GOLPH3: variants seen among roughly 807,000 people sequenced by gnomAD.
GOLPH3 encodes coat protein GPP34.
Under a neutral mutation model 28.5 loss-of-function variants are expected in GOLPH3, and 14 were observed. The observed-to-expected ratio is 0.49, with a 90% CI of 0.32 to 0.77. The LOEUF is 0.77. Ranked by LOEUF, GOLPH3 falls within the 30% of genes least tolerant of loss-of-function variation. The pLI is 0.03. For missense variants in GOLPH3, 350 were observed against 393.7 expected (o/e 0.89, Z 0.94); for synonymous variants, 158 against 159.2 (o/e 0.99, Z 0.06).
chr5:32,169,949 A>G (rs76587062), intron 1 of GOLPH3, among the ~76,000 whole-genome samples: 5,352 of 151,906 alleles, frequency 0.035, 183 homozygotes, highest in East Asian at 0.17. Flanking sequence ...AAAAATCTGA[A>G]ATGTGTAAAG....
intron 1 of GOLPH3, among the ~76,000 whole-genome samples, chr5:32,168,111 G>A (rs1215168358): frequency 6.6e-6 from 1 of 152,030 alleles, no homozygotes; most frequent in Non-Finnish European, 1.5e-5. Context: ...TAGAAACAAC[G>A]AAAATTCATT....
intron 1 of GOLPH3, among the ~76,000 whole-genome samples, chr5:32,168,824 G>C (rs1267718382): frequency 6.6e-6 from 1 of 152,122 alleles, no homozygotes; most frequent in East Asian, 1.9e-4. Context: ...GTGCATCCTA[G>C]AGCCGGTCGC....
rs774187790 is a variant in GOLPH3 at position 32,126,227 on chromosome 5, C to T, written c.882G>A (p.Ala294=). Residue 294 remains alanine, a synonymous_variant, in exon 4 of 4, where the codon GCG becomes GCA. Coordinates refer to ENST00000265070, the MANE Select transcript of GOLPH3 (RefSeq NM_022130.4). ...CCGAGCAGAGTTACTTGGTGAACGC[C>T]GCCACCACCGCCCACAGAACCTCAT... ...NTNEVLWAVV[A]AFTK is the part of the protein sequence containing the mutation. The T allele has an allele frequency of 1.6e-5, 25 of 1,609,544 alleles. No homozygotes were observed. The highest frequency in any genetic ancestry group is 1.2e-4 in the Admixed American group (7 of 59,910).
chr5:32,167,493 G>A (rs949404902), intron 1 of GOLPH3, among the ~76,000 whole-genome samples: 9 of 151,948 alleles, frequency 5.9e-5, no homozygotes, highest in South Asian at 2.1e-4. Context: ...ATTCTAAAAC[G>A]TAATTCAAAT....
chr5:32,161,066 CAAAAAAAAAAA>C (rs34874287), intron 1 of GOLPH3, among the ~76,000 whole-genome samples: 2 of 60,054 alleles, frequency 3.3e-5, no homozygotes, highest in East Asian at 5.1e-4. Context: ...GACTCCGTCT[CAAAAAAAAAAA>C]AAAAAAAAAA....
intron 1 of GOLPH3, among the ~76,000 whole-genome samples, chr5:32,172,467 C>A (rs1746858410): frequency 6.6e-6 from 1 of 151,686 alleles, no homozygotes; most frequent in African/African-American, 2.4e-5. Flanking sequence ...GAGGCCGAGG[C>A]AGGCGGATCA....
chr5:32,161,421 C>A, intron 1 of GOLPH3, among the ~76,000 whole-genome samples: 1 of 124,872 alleles, frequency 8.0e-6, no homozygotes, highest in Non-Finnish European at 1.7e-5. Context: ...AAAACCAAAG[C>A]TGAGGAAAAA....
At chr5:32,148,340 G>C (rs999186320) in intron 1 of GOLPH3, among the ~76,000 whole-genome samples, 2 of 152,212 alleles carry the variant, frequency 1.3e-5, no homozygotes, top group African/African-American at 4.8e-5. Flanking sequence ...TACGTTATAT[G>C]AATGTTCAGT....
At chr5:32,135,483 G>A in intron 3 of GOLPH3, 89 bp downstream of exon 3, 1 of 761,542 alleles carries the variant, frequency 1.3e-6, no homozygotes, top group Non-Finnish European at 2.3e-6. Context: ...CAAGCTTCTG[G>A]CTATTTTGTG....
intron 2 of GOLPH3, among the ~76,000 whole-genome samples, chr5:32,142,599 T>G (rs1232422843): frequency 1.0e-5 from 1 of 97,684 alleles, no homozygotes; most frequent in African/African-American, 4.1e-5. Flanking sequence ...GGGAGGGAGG[T>G]GGGGGGGTCA....
intron 1 of GOLPH3, among the ~76,000 whole-genome samples, chr5:32,163,761 A>G (rs939310330): frequency 6.6e-6 from 1 of 152,210 alleles, no homozygotes; most frequent in African/African-American, 2.4e-5. Flanking sequence ...AACGGAACAT[A>G]TAAATACTAA....
At chr5:32,133,761 A>G (rs1745875433) in intron 3 of GOLPH3, among the ~76,000 whole-genome samples, 1 of 152,230 alleles carries the variant, frequency 6.6e-6, no homozygotes, top group Non-Finnish European at 1.5e-5. Flanking sequence ...TGCTGATAAT[A>G]TAATCTAGTT....
Position 32,143,885 on chromosome 5 carries a change from TA to T in GOLPH3, c.226-6del. 3 of 1,504,864 alleles carry T rather than the reference TA, an allele frequency of 2.0e-6. No homozygotes were observed. The highest frequency in any genetic ancestry group is 2.6e-5 in the Admixed American group (1 of 38,598). The allele number at this position is 1,504,864 out of a possible 1,614,324, so 93.2% of individuals were successfully genotyped here. ...ATTCCAAAATGATGTGTAACCCTATTAAAAAAAGAAGAAGAAATAAAACAAA... is the reference window on the plus strand; with the variant it reads ...ATTCCAAAATGATGTGTAACCCTATTAAAAAAGAAGAAGAAATAAAACAAA... On this transcript the variant is annotated splice_polypyrimidine_tract_variant and splice_region_variant and intron_variant, in intron 1 of 3. Coordinates refer to ENST00000265070, the MANE Select transcript of GOLPH3 (RefSeq NM_022130.4).
chr5:32,131,098 G>C (rs949826), intron 3 of GOLPH3, among the ~76,000 whole-genome samples: 24,708 of 152,130 alleles, frequency 0.16, 4,344 homozygotes, highest in African/African-American at 0.44. Context: ...TTCTCTTGTA[G>C]CAATTCCCTG....
intron 1 of GOLPH3, 88 bp downstream of exon 1, chr5:32,173,722 C>T: frequency 1.0e-6 from 1 of 973,464 alleles, no homozygotes; most frequent in Non-Finnish European, 1.3e-6. Flanking sequence ...GGCCGGAAGC[C>T]TCGGGCGCTC....
chr5:32,129,624 T>A lies in GOLPH3; in HGVS notation c.473-2988A>T, dbSNP rs1415559914. Among the ~76,000 whole-genome samples, 8 of 151,410 alleles carry A rather than the reference T, an allele frequency of 5.3e-5. 1 individual carries two copies. The highest frequency in any genetic ancestry group is 1.5e-5 in the Non-Finnish European group (1 of 67,856). On this transcript the variant is annotated intron_variant, in intron 3 of 3. Coordinates refer to ENST00000265070, the MANE Select transcript of GOLPH3 (RefSeq NM_022130.4). ...AAAATGAACAAAGTGCCTAGAGGAGTAAGAAATGACTCTGGTTTAATGTTA... is the reference window on the plus strand; with the variant it reads ...AAAATGAACAAAGTGCCTAGAGGAGAAAGAAATGACTCTGGTTTAATGTTA...
At position 32,125,882 on chromosome 5, in the gene GOLPH3, G is replaced by A; in HGVS notation, c.*330C>T. The A allele has an allele frequency of 4.3e-6, 1 of 235,204 alleles. No individual in the cohort carries two copies. The highest frequency in any genetic ancestry group is 8.3e-6 in the Non-Finnish European group (1 of 120,236). The allele number at this position is 235,204 out of a possible 1,614,324, so 14.6% of individuals were successfully genotyped here. A position where few individuals can be genotyped will look rare whatever the true frequency, so the allele number is the denominator to read the frequency against. ...ATGCACATATGGAGAAACTCAAGCT[G>A]AGGTCATCCAAAAGCTGTGCGTATG... On this transcript the variant is annotated 3_prime_UTR_variant, in exon 4 of 4. Transcript: ENST00000265070.
chr5:32,172,233 GTATC>G (rs1039216965), intron 1 of GOLPH3, among the ~76,000 whole-genome samples: 2 of 151,830 alleles, frequency 1.3e-5, no homozygotes, highest in African/African-American at 4.8e-5. Flanking sequence ...TGCCCCAGAC[GTATC>G]TATCAAGCTA....
In GOLPH3 at chr5:32,174,141, A is replaced by C. The variant is rs1384713796; in HGVS notation, c.-107T>G. On this transcript the variant is annotated 5_prime_UTR_variant, in exon 1 of 4. Coordinates refer to ENST00000265070, the MANE Select transcript of GOLPH3 (RefSeq NM_022130.4). ...ATCCGGGTTTCCGTGTTAAATCCGG[A>C]CGCCGGGGCGACGTCCGTCGGCAGC... 9.6e-6 allele frequency: 7 copies of C among 731,782 alleles called. No individual in the cohort carries two copies. The highest frequency in any genetic ancestry group is 1.3e-5 in the Non-Finnish European group (7 of 534,760). The allele number at this position is 731,782 out of a possible 1,614,324, so 45.3% of individuals were successfully genotyped here.
Sources: allele counts gnomAD v4.1 joint callset (sites outside exome capture counted in the v4.1 genomes callset), GRCh38; gene constraint gnomAD v4.1.1; transcripts MANE v1.5; gene names NCBI Gene and HGNC (gene_info 2026-07-23, HGNC 2026-07-21).